APTX: variants seen among roughly 807,000 people sequenced by gnomAD.
APTX encodes the protein forkhead-associated domain histidine triad-like protein.
APTX carries 33 observed loss-of-function variants against 42.3 expected under a neutral mutation model. The observed-to-expected ratio is 0.78, with a 90% CI of 0.59 to 1.04. The LOEUF is 1.04. APTX is among the 50% of genes least tolerant of loss of function. The pLI is 0.00. For missense variants in APTX, 421 were observed against 415.1 expected (o/e 1.01, Z -0.12); for synonymous variants, 130 against 146.7 (o/e 0.89, Z 0.82).
intron 1 of APTX, among the ~76,000 whole-genome samples, chr9:32,996,225 A>G (rs1212147086): frequency 2.0e-5 from 3 of 151,836 alleles, no homozygotes; most frequent in African/African-American, 7.3e-5. Flanking sequence ...GTATGCCTGT[A>G]TGTATACCCT....
chr9:33,012,086 A>C (rs1837580856), intron 1 of APTX, among the ~76,000 whole-genome samples: 1 of 152,176 alleles, frequency 6.6e-6, no homozygotes, highest in South Asian at 2.1e-4. Flanking sequence ...TGTGAAAATA[A>C]TACTATTTCA....
At chr9:32,983,021 T>G (rs1218178041) in intron 6 of APTX, among the ~76,000 whole-genome samples, 1 of 152,136 alleles carries the variant, frequency 6.6e-6, no homozygotes, top group East Asian at 1.9e-4. Flanking sequence ...CATAGCTTAC[T>G]GTAGCCTCAA....
intron 1 of APTX, among the ~76,000 whole-genome samples, chr9:33,016,842 G>A (rs1278157426): frequency 2.0e-5 from 3 of 152,174 alleles, no homozygotes; most frequent in East Asian, 1.9e-4. Context: ...TGGGCTGGAC[G>A]TTCTAAGAGG....
In APTX at chr9:33,018,449, T is replaced by A. The variant is rs541718546; in HGVS notation, c.-5+6574A>T. Among the ~76,000 whole-genome samples, 40 of 146,702 alleles carry A rather than the reference T, an allele frequency of 2.7e-4. No individual in the cohort carries two copies. In the South Asian group the frequency reaches 5.6e-3, roughly 21 times the overall value. On this transcript the variant is annotated intron_variant, in intron 1 of 6. Transcript: ENST00000436040. ...CAGACGTGGTGGCAGGTACCTGTAA[T>A]CCCAGCTACTCGGGAGGCTGAGGCA...
chr9:32,977,463 G>T (rs143896488), intron 6 of APTX, among the ~76,000 whole-genome samples: 1 of 152,070 alleles, frequency 6.6e-6, no homozygotes, highest in Admixed American at 6.5e-5. Context: ...CAGACTGGGA[G>T]AGAGGGTGAG....
intron 1 of APTX, among the ~76,000 whole-genome samples, chr9:33,021,723 G>C (rs940035059): frequency 2.6e-5 from 4 of 152,064 alleles, no homozygotes; most frequent in African/African-American, 9.7e-5. Flanking sequence ...ATTAGTGTTA[G>C]ACAAACTAGT....
At chr9:32,989,632 C>T (rs1833071846) in intron 2 of APTX, 127 bp downstream of exon 2, 2 of 1,430,212 alleles carry the variant, frequency 1.4e-6, no homozygotes, top group South Asian at 2.3e-5. Context: ...GCTAAAAGAG[C>T]TCAGTTCCTG....
chr9:33,014,551 A>C (rs549913885), intron 1 of APTX, among the ~76,000 whole-genome samples: 15 of 134,120 alleles, frequency 1.1e-4, no homozygotes, highest in Admixed American at 1.0e-3. Flanking sequence ...TAACAAAAGG[A>C]TGCATAGCTG....
intron 1 of APTX, among the ~76,000 whole-genome samples, chr9:33,018,119 T>A (rs1307150965): frequency 1.6e-5 from 2 of 125,884 alleles, no homozygotes; most frequent in Non-Finnish European, 3.8e-5. Context: ...TTTTATTTAA[T>A]TTTTTTTTTT....
At chr9:33,014,685 T>C (rs986965107) in intron 1 of APTX, among the ~76,000 whole-genome samples, 1 of 152,254 alleles carries the variant, frequency 6.6e-6, no homozygotes, top group Admixed American at 6.5e-5. Context: ...TGCCAATTAC[T>C]ATACTAGGTG....
At chr9:33,003,295 G>A (rs1242979184), upstream of APTX, among the ~76,000 whole-genome samples, 1 of 152,162 alleles carries the variant, frequency 6.6e-6, no homozygotes, top group Non-Finnish European at 1.5e-5. Context: ...AAGATCACAT[G>A]GCACAATGTA....
At position 32,974,543 on chromosome 9, in the gene APTX, C is replaced by T; in HGVS notation, c.789G>A (p.Val263=). Residue 263 remains valine, a synonymous_variant, in exon 7 of 8, where the codon GTG becomes GTA. Transcript: ENST00000379817. ...AAGGAGAATCAAAATCCTGGCTGAT[C>T]ACATGAAGATGTACATGGCTAGTTG... ...IPSMSHVHLH[V]ISQDFDSPCL... 6.2e-7 allele frequency: 1 copy of T among 1,607,736 alleles called. No homozygotes were observed. Among genetic ancestry groups the T allele is most frequent in the Non-Finnish European group, 8.5e-7 (1 of 1,177,580 alleles).
chr9:33,004,841 C>G (rs925417206), upstream of APTX, among the ~76,000 whole-genome samples: 2 of 151,402 alleles, frequency 1.3e-5, no homozygotes, highest in African/African-American at 4.9e-5. Flanking sequence ...GGGGTTTCAC[C>G]ATATTGGCCA....
upstream of APTX, chr9:33,001,764 G>T: frequency 3.3e-6 from 3 of 904,858 alleles, no homozygotes; most frequent in South Asian, 4.5e-5. Flanking sequence ...TCTGGGCCGT[G>T]GTCCAACTGA....
chr9:32,992,964 G>A (rs1329146280), intron 1 of APTX, among the ~76,000 whole-genome samples: 8 of 152,210 alleles, frequency 5.3e-5, no homozygotes, highest in African/African-American at 1.9e-4. Context: ...GCATCTGTTT[G>A]CACTTGCTGG....
chr9:33,014,236 T>C (rs188161336), intron 1 of APTX, among the ~76,000 whole-genome samples: 216 of 131,800 alleles, frequency 1.6e-3, no homozygotes, highest in African/African-American at 5.3e-3. Flanking sequence ...AGGACTGACC[T>C]CTCAGTCTGG....
chr9:32,991,243 A>G (rs571392752), intron 1 of APTX, among the ~76,000 whole-genome samples: 21 of 152,220 alleles, frequency 1.4e-4, no homozygotes, highest in Non-Finnish European at 1.5e-4. Flanking sequence ...TACAATTTCT[A>G]AAGTGTGAAT....
intron 1 of APTX, among the ~76,000 whole-genome samples, chr9:32,990,248 C>T (rs762059379): frequency 3.6e-4 from 55 of 152,186 alleles, no homozygotes; most frequent in Non-Finnish European, 2.9e-4. Flanking sequence ...TCTCGGCTCA[C>T]GGCAACCTCC....
chr9:33,023,181 T>C (rs1306513899), intron 1 of APTX, among the ~76,000 whole-genome samples: 2 of 151,954 alleles, frequency 1.3e-5, no homozygotes, highest in Admixed American at 1.3e-4. Context: ...TGGTTCCCTA[T>C]GTTGTGAGCT....
Sources: allele counts gnomAD v4.1 joint callset (sites outside exome capture counted in the v4.1 genomes callset), GRCh38; gene constraint gnomAD v4.1.1; transcripts MANE v1.5; gene names NCBI Gene and HGNC (gene_info 2026-07-23, HGNC 2026-07-21).